The following R3HDM4 variants were observed in gnomAD, a reference collection of about 807,000 sequenced individuals.
R3HDM4 encodes R3H domain containing 4, also known as R3H domain-containing protein 4.
A neutral mutation model predicts 31.3 loss-of-function variants in R3HDM4; 30 were observed. That is an observed-to-expected ratio of 0.96 (90% confidence interval 0.72 to 1.30). R3HDM4 has a LOEUF of 1.30. R3HDM4 is among the 50% of genes most tolerant of loss of function. The pLI is 0.00. For synonymous variants in R3HDM4, 196 were observed against 156.6 expected, an observed-to-expected ratio of 1.25 and a Z score of -1.88; for missense variants, 444 against 366.1, an observed-to-expected ratio of 1.21 and a Z score of -1.74.
intron 1 of R3HDM4, among the ~76,000 whole-genome samples, chr19:908,770 C>T (rs1311850734): frequency 5.3e-5 from 8 of 151,808 alleles, no homozygotes; most frequent in Non-Finnish European, 1.5e-5. Context: ...CCCCGCCCCC[C>T]ACCTAGCCCA....
At chr19:908,418 C>G (rs1299579787) in intron 1 of R3HDM4, among the ~76,000 whole-genome samples, 3 of 151,722 alleles carry the variant, frequency 2.0e-5, no homozygotes, top group African/African-American at 7.3e-5. Flanking sequence ...ACCAGCCTGG[C>G]CAACATGGTG....
Position 899,772 on chromosome 19 carries a change from C to T in R3HDM4, c.562-86G>A, listed in dbSNP as rs1052797048. 3 of 1,134,552 alleles carry T rather than the reference C, an allele frequency of 2.6e-6. No homozygotes were observed. The South Asian group carries it at 4.8e-5, about 18-fold the overall frequency. The allele number at this position is 1,134,552 out of a possible 1,614,324, so 70.3% of individuals were successfully genotyped here. Reference sequence around the variant, plus strand: ...GTCCAGGGCCCCCAGGAGCCCACAGCGCTGGGCTCAAACATGACCTCTGAC... The same window carrying T: ...GTCCAGGGCCCCCAGGAGCCCACAGTGCTGGGCTCAAACATGACCTCTGAC... On this transcript the variant is annotated intron_variant, in intron 5 of 7. Transcript: ENST00000361574. This position sits in a 1 kb window ranked among gnomAD's most constrained non-coding sequence, Gnocchi z 6.8.
rs1373410882 is a variant in R3HDM4 at position 899,987 on chromosome 19, C to T, written c.561+74G>A. The T allele has an allele frequency of 2.1e-6, 3 of 1,446,664 alleles. No homozygotes were observed. Among genetic ancestry groups the T allele is most frequent in the Non-Finnish European group, 2.9e-6 (3 of 1,031,308 alleles). 89.6% of individuals were successfully genotyped at this position (1,446,664 alleles called of 1,614,324 possible). A position where few individuals can be genotyped will look rare whatever the true frequency, so the allele number is the denominator to read the frequency against. ...TGACACGACCTGCACCGGGTGAGAA[C>T]CTGTGCCTGGGAAACGGGCCTTCAA... is the stretch of plus-strand genomic sequence containing the variant. On this transcript the variant is annotated intron_variant, in intron 5 of 7. Coordinates refer to ENST00000361574, the MANE Select transcript of R3HDM4 (RefSeq NM_138774.4). This position sits in a 1 kb window ranked among gnomAD's most constrained non-coding sequence, Gnocchi z 6.8.
Position 899,548 on chromosome 19 carries a change from G to C in R3HDM4, c.647+53C>G. On this transcript the variant is annotated intron_variant, in intron 6 of 7. Coordinates refer to ENST00000361574, the MANE Select transcript of R3HDM4 (RefSeq NM_138774.4). This position sits in a 1 kb window ranked among gnomAD's most constrained non-coding sequence, Gnocchi z 6.8. ...GCAGGGGCTGCAGCGTGGGGTGTCCGCCCACCTGGCCGCAGCCTCGGAGGG... is the reference window on the plus strand; with the variant it reads ...GCAGGGGCTGCAGCGTGGGGTGTCCCCCCACCTGGCCGCAGCCTCGGAGGG... The C allele has an allele frequency of 1.9e-6, 3 of 1,611,464 alleles. No individual in the cohort carries two copies. Among genetic ancestry groups the C allele is most frequent in the Non-Finnish European group, 2.5e-6 (3 of 1,178,482 alleles).
At position 899,912 on chromosome 19, in the gene R3HDM4, C is replaced by G; in HGVS notation, c.561+149G>C. 1 of 887,896 alleles carries G rather than the reference C, an allele frequency of 1.1e-6. No individual in the cohort carries two copies. Among genetic ancestry groups the G allele is most frequent in the Non-Finnish European group, 1.8e-6 (1 of 566,586 alleles). The allele number at this position is 887,896 out of a possible 1,614,324, so 55.0% of individuals were successfully genotyped here. On this transcript the variant is annotated intron_variant, in intron 5 of 7. Transcript: ENST00000361574. The surrounding 1 kb of genome is among the most constrained non-coding windows in gnomAD (Gnocchi z 6.8). The stretch of plus-strand genomic sequence containing the variant: ...AGTGCCCGCCTTCGTTGCCCCCGCC[C>G]TCCTACTCAGGGCCCTGGTGCCGCT...
rs576158812 is a variant in R3HDM4 at position 907,336 on chromosome 19, C to T, written c.72-5206G>A. Reference sequence around the variant, plus strand: ...GAGGCCGGAGCACTCTGTCCCATGCCCCAGATTCACCCACAGCCCCCCCTG... The same window carrying T: ...GAGGCCGGAGCACTCTGTCCCATGCTCCAGATTCACCCACAGCCCCCCCTG... On this transcript the variant is annotated intron_variant, in intron 1 of 7. Transcript: ENST00000361574. The surrounding 1 kb of genome is among the most constrained non-coding windows in gnomAD (Gnocchi z 4.1). Among the ~76,000 whole-genome samples the T allele has an allele frequency of 6.6e-6, 1 of 152,134 alleles. No individual in the cohort carries two copies. Among genetic ancestry groups the T allele is most frequent in the Non-Finnish European group, 1.5e-5 (1 of 67,972 alleles).
intron 1 of R3HDM4, among the ~76,000 whole-genome samples, chr19:912,690 G>A (rs1192159787): frequency 1.6e-5 from 2 of 122,606 alleles, no homozygotes; most frequent in South Asian, 3.2e-4. Context: ...GTGAGGGGGT[G>A]GACCCGGGAA....
chr19:899,333 C>T lies in R3HDM4; in HGVS notation c.703+107G>A. 3 of 1,200,268 alleles carry T rather than the reference C, an allele frequency of 2.5e-6. No individual in the cohort carries two copies. The highest frequency in any genetic ancestry group is 3.7e-6 in the Non-Finnish European group (3 of 820,158). 74.4% of individuals were successfully genotyped at this position (1,200,268 alleles called of 1,614,324 possible). ...AGCGTCCCCACTCCAGCCCCCTTCC[C>T]CACCTCCCCACCAAGCCCCACTCTG... On this transcript the variant is annotated intron_variant, in intron 7 of 7. Coordinates refer to ENST00000361574, the MANE Select transcript of R3HDM4 (RefSeq NM_138774.4). The surrounding 1 kb of genome is among the most constrained non-coding windows in gnomAD (Gnocchi z 6.8).
At chr19:900,222 C>T (rs951983808) in intron 4 of R3HDM4, 76 bp from the exon 5 acceptor site, 4 of 1,165,406 alleles carry the variant, frequency 3.4e-6, no homozygotes, top group South Asian at 3.0e-5. Context: ...CCACGCCCAC[C>T]CAGGGAAGAC....
Position 899,645 on chromosome 19 carries a change from G to A in R3HDM4, c.603C>T (p.Phe201=). The change falls in exon 6 of 8, where the codon TTC becomes TTT. Residue 201 remains phenylalanine, a synonymous_variant. Transcript: ENST00000361574. This position sits in a 1 kb window ranked among gnomAD's most constrained non-coding sequence, Gnocchi z 6.8. Reference sequence around the variant, plus strand: ...TGTACACGGCCTGGGGGGACACGGAGAAGAACCGAAGCAGCCGCTCCTCCC... The same window carrying A: ...TGTACACGGCCTGGGGGGACACGGAAAAGAACCGAAGCAGCCGCTCCTCCC... ...ETWEERLLRF[F]SVSPQAVYTA... 6.2e-7 allele frequency: 1 copy of A among 1,605,844 alleles called. No individual in the cohort carries two copies. The highest frequency in any genetic ancestry group is 8.5e-7 in the Non-Finnish European group (1 of 1,176,298).
intron 1 of R3HDM4, 33 bp from the exon 2 acceptor site, chr19:902,163 C>A: frequency 1.2e-6 from 2 of 1,607,212 alleles, no homozygotes; most frequent in South Asian, 2.2e-5. Flanking sequence ...TCCTCAGGGT[C>A]AAGGCCGGCC....
chr19:905,204 C>T (rs2930890), intron 1 of R3HDM4, among the ~76,000 whole-genome samples: 119,541 of 150,832 alleles, frequency 0.79, 47,476 homozygotes, highest in South Asian at 0.84. Context: ...CGAGACTTGG[C>T]CTCAAAAAAA....
Position 910,575 on chromosome 19 carries a change from T to C in R3HDM4, c.71+2512A>G, listed in dbSNP as rs925306905. 6.0e-5 allele frequency among the ~76,000 whole-genome samples: 9 copies of C among 151,082 alleles called. 1 individual carries two copies. Among genetic ancestry groups the C allele is most frequent in the African/African-American group, 2.2e-4 (9 of 41,126 alleles). On this transcript the variant is annotated intron_variant, in intron 1 of 7. Coordinates refer to ENST00000361574, the MANE Select transcript of R3HDM4 (RefSeq NM_138774.4). ...TGAGCCCAGAAGTTTGAGACCAGCTTGGACAAGTTAGCAAGACCCTGTCTC... is the reference window on the plus strand; with the variant it reads ...TGAGCCCAGAAGTTTGAGACCAGCTCGGACAAGTTAGCAAGACCCTGTCTC...
chr19:907,977 G>A lies in R3HDM4; in HGVS notation c.71+5110C>T, dbSNP rs561342955. ...TGGGAGGCCGAGGCGGGCGGATCAT[G>A]AGGTCAAGAGATGGAGACCATCCTG... is the stretch of plus-strand genomic sequence containing the variant. On this transcript the variant is annotated intron_variant, in intron 1 of 7. Coordinates refer to ENST00000361574, the MANE Select transcript of R3HDM4 (RefSeq NM_138774.4). The surrounding 1 kb of genome is among the most constrained non-coding windows in gnomAD (Gnocchi z 4.1). Among the ~76,000 whole-genome samples the A allele has an allele frequency of 1.6e-4, 25 of 151,682 alleles. No individual in the cohort carries two copies. The highest frequency in any genetic ancestry group is 2.8e-4 in the Non-Finnish European group (19 of 67,890).
At chr19:897,672 G>C (rs563885312) in intron 7 of R3HDM4, 132 bp from the exon 8 acceptor site, 1 of 685,510 alleles carries the variant, frequency 1.5e-6, no homozygotes, top group African/African-American at 1.8e-5. Context: ...TGGTCACTGC[G>C]GCCTGGCTGG....
chr19:900,040 G>A, intron 5 of R3HDM4, 21 bp downstream of exon 5: 1 of 1,608,948 alleles, frequency 6.2e-7, no homozygotes, highest in Non-Finnish European at 8.5e-7. Context: ...GAAAAGGGAG[G>A]CCCGGCAATC....
At chr19:912,803 G>A (rs943386057) in intron 1 of R3HDM4, among the ~76,000 whole-genome samples, 3 of 151,420 alleles carry the variant, frequency 2.0e-5, no homozygotes, top group African/African-American at 7.3e-5. Context: ...AGGTAAATGG[G>A]GACGTGGATC....
intron 3 of R3HDM4, 48 bp downstream of exon 3, chr19:901,374 A>G (rs751373058): frequency 6.4e-7 from 1 of 1,574,126 alleles, no homozygotes; most frequent in Admixed American, 1.8e-5. Context: ...CCGTAGGAGA[A>G]CTGCCGGGGT....
rs1188957954 is a variant in R3HDM4, at chr19:900,089, G to T, written c.533C>A (p.Ala178Asp). Residue 178 changes from alanine to aspartate, a missense_variant, in exon 5 of 8, where the codon GCC becomes GAC. Ala to Asp is a moderately radical substitution (Grantham distance 126, BLOSUM62 -2). Coordinates refer to ENST00000361574, the MANE Select transcript of R3HDM4 (RefSeq NM_138774.4). ...CFQRISRRLR[A>D]VLKRSRIPME... The stretch of plus-strand genomic sequence containing the variant: ...GGGGATGCGGCTGCGCTTGAGGACG[G>T]CTCGCAGACGCCGGCTGATGCGCTG... 3.7e-6 allele frequency: 6 copies of T among 1,609,550 alleles called. No individual in the cohort carries two copies. The African/African-American group carries it at 5.4e-5, about 14-fold the overall frequency.
Sources: allele counts gnomAD v4.1 joint callset (sites outside exome capture counted in the v4.1 genomes callset), GRCh38; gene constraint gnomAD v4.1.1; non-coding constraint Gnocchi (gnomAD v3.1); transcripts MANE v1.5; gene names NCBI Gene and HGNC (gene_info 2026-07-23, HGNC 2026-07-21).